The following TBC1D32 variants were observed in gnomAD, a reference collection of about 807,000 sequenced individuals.
TBC1D32 encodes TBC1 domain family member 32, also known as protein broad-minded.
A neutral mutation model predicts 170.3 loss-of-function variants in TBC1D32; 151 were observed. That is an observed-to-expected ratio of 0.89 (90% CI 0.78 to 1.01). The LOEUF is 1.01. TBC1D32 is among the 50% of genes least tolerant of loss of function. The pLI is 0.00. For synonymous variants in TBC1D32, 498 were observed against 488.0 expected, an observed-to-expected ratio of 1.02 and a Z score of -0.27; for missense variants, 1,464 against 1,457.1, an observed-to-expected ratio of 1.00 and a Z score of -0.08.
At chr6:121,328,699 G>A (rs954805210) in intron 1 of TBC1D32, among the ~76,000 whole-genome samples, 1 of 152,110 alleles carries the variant, frequency 6.6e-6, no homozygotes, top group African/African-American at 2.4e-5. Flanking sequence ...AGTTTACACT[G>A]ACCAATCTTG....
chr6:121,186,893 T>C (rs187178625), intron 22 of TBC1D32, among the ~76,000 whole-genome samples: 1 of 141,308 alleles, frequency 7.1e-6, no homozygotes, highest in African/African-American at 2.5e-5. Flanking sequence ...ACTAAAACTT[T>C]AATGCTCTGA....
At chr6:121,080,953 A>G in intron 31 of TBC1D32, 63 bp from the exon 32 acceptor site, 1 of 1,560,852 alleles carries the variant, frequency 6.4e-7, no homozygotes, top group Non-Finnish European at 8.7e-7. Flanking sequence ...CAAGTTAATG[A>G]ATTTTAAATA....
At chr6:121,128,902 TG>T in intron 25 of TBC1D32, among the ~76,000 whole-genome samples, 1 of 152,220 alleles carries the variant, frequency 6.6e-6, no homozygotes, top group East Asian at 1.9e-4. Context: ...CTTTGGGAAG[TG>T]AGCAAGTCAT....
At chr6:121,199,536 T>G (rs1791260744) in intron 22 of TBC1D32, among the ~76,000 whole-genome samples, 1 of 151,390 alleles carries the variant, frequency 6.6e-6, no homozygotes, top group Non-Finnish European at 1.5e-5. Context: ...ATTGTTTGAT[T>G]AAATTAGAAT....
At chr6:121,142,798 C>T (rs115079825) in intron 24 of TBC1D32, among the ~76,000 whole-genome samples, 2,273 of 152,188 alleles carry the variant, frequency 0.015, 40 homozygotes, top group African/African-American at 0.044. Context: ...GGGGTAATAA[C>T]TCCCGGGAAA....
chr6:121,108,611 T>A (rs1415562553), intron 29 of TBC1D32, among the ~76,000 whole-genome samples: 1 of 152,026 alleles, frequency 6.6e-6, no homozygotes, highest in Non-Finnish European at 1.5e-5. Context: ...AAAACACTCT[T>A]CAGAATACTG....
chr6:121,171,516 T>C (rs1421690812), intron 22 of TBC1D32, among the ~76,000 whole-genome samples: 3 of 152,238 alleles, frequency 2.0e-5, no homozygotes, highest in Admixed American at 1.3e-4. Context: ...TTTTAAAACA[T>C]GTCCTTACTT....
At chr6:121,092,429 GT>G (rs1776926038) in intron 30 of TBC1D32, among the ~76,000 whole-genome samples, 1 of 143,038 alleles carries the variant, frequency 7.0e-6, no homozygotes, top group Admixed American at 7.3e-5. Flanking sequence ...CTATCATTTT[GT>G]TTTTCTAAAA....
intron 17 of TBC1D32, among the ~76,000 whole-genome samples, chr6:121,245,420 C>T (rs1797469560): frequency 6.6e-6 from 1 of 152,158 alleles, no homozygotes; most frequent in Admixed American, 6.5e-5. Context: ...AGCACCACAT[C>T]AAGGGAACAC....
intron 20 of TBC1D32, among the ~76,000 whole-genome samples, chr6:121,224,912 T>C (rs1400822303): frequency 6.6e-6 from 1 of 152,094 alleles, no homozygotes; most frequent in African/African-American, 2.4e-5. Flanking sequence ...AAGGAATTTC[T>C]AACCAATTCA....
intron 21 of TBC1D32, 59 bp from the exon 22 acceptor site, chr6:121,205,222 G>GAAATT: frequency 1.2e-6 from 1 of 828,376 alleles, no homozygotes; most frequent in Admixed American, 3.0e-5. Flanking sequence ...AGAAAATTAA[G>GAAATT]TCAACAACAA....
intron 22 of TBC1D32, among the ~76,000 whole-genome samples, chr6:121,190,803 G>C (rs1189500959): frequency 1.3e-5 from 2 of 152,124 alleles, no homozygotes; most frequent in South Asian, 4.1e-4. Flanking sequence ...ATGATTCTAT[G>C]AAGTTTAGTG....
In TBC1D32 at chr6:121,080,965, T is replaced by C. The variant is rs1582673343; in HGVS notation, c.3655-75A>G. 13 of 1,530,966 alleles carry C rather than the reference T, an allele frequency of 8.5e-6. No individual in the cohort carries two copies. In the East Asian group the frequency reaches 1.1e-4, roughly 13 times the overall value. 94.8% of individuals were successfully genotyped at this position (1,530,966 alleles called of 1,614,324 possible). The stretch of plus-strand genomic sequence containing the variant: ...TTCCAAGTTAATGAATTTTAAATAA[T>C]TGATATACCATTTATTTTCAGCTAT... On this transcript the variant is annotated intron_variant, in intron 31 of 31. Transcript: ENST00000398212.
intron 22 of TBC1D32, among the ~76,000 whole-genome samples, chr6:121,176,438 C>T (rs1276594560): frequency 6.6e-6 from 1 of 152,088 alleles, no homozygotes; most frequent in Non-Finnish European, 1.5e-5. Context: ...TCCCAAACTC[C>T]AAAATCCAAA....
intron 20 of TBC1D32, among the ~76,000 whole-genome samples, chr6:121,232,711 TTTTA>T (rs140278504): frequency 0.064 from 9,789 of 152,012 alleles, 602 homozygotes; most frequent in Admixed American, 0.21. Context: ...AGGTTGAATT[TTTTA>T]TTTGATTCTC....
At chr6:121,102,663 C>T (rs996988985) in intron 30 of TBC1D32, among the ~76,000 whole-genome samples, 25 of 152,206 alleles carry the variant, frequency 1.6e-4, no homozygotes, top group African/African-American at 6.0e-4. Context: ...CAATACCATT[C>T]AGGACATAGG....
chr6:121,313,875 T>G (rs757732747), intron 3 of TBC1D32, among the ~76,000 whole-genome samples: 1 of 152,090 alleles, frequency 6.6e-6, no homozygotes, highest in African/African-American at 2.4e-5. Context: ...AAAAAGAGCA[T>G]TGTAGAGCTT....
At chr6:121,320,852 C>T (rs922635590) in intron 2 of TBC1D32, among the ~76,000 whole-genome samples, 1 of 151,946 alleles carries the variant, frequency 6.6e-6, no homozygotes. Context: ...CAAACGTTTC[C>T]GATACTGGAA....
chr6:121,237,456 T>C (rs73768941), intron 20 of TBC1D32, among the ~76,000 whole-genome samples: 2,820 of 152,062 alleles, frequency 0.019, 88 homozygotes, highest in African/African-American at 0.064. Context: ...AATTTGAAGA[T>C]TTTCCACTAT....
Sources: allele counts gnomAD v4.1 joint callset (sites outside exome capture counted in the v4.1 genomes callset), GRCh38; gene constraint gnomAD v4.1.1; transcripts MANE v1.5; gene names NCBI Gene and HGNC (gene_info 2026-07-23, HGNC 2026-07-21).